NOS1AP: variants seen among roughly 807,000 people sequenced by gnomAD.
NOS1AP encodes the protein nitric oxide synthase 1 adaptor protein, also known as carboxyl-terminal PDZ ligand of neuronal nitric oxide synthase protein.
Under a neutral mutation model 56.2 loss-of-function variants are expected in NOS1AP, and 21 were observed. That is an observed-to-expected ratio of 0.37 (90% CI 0.26 to 0.54). The LOEUF (loss-of-function observed/expected upper bound fraction) is 0.54. NOS1AP is among the 20% of genes least tolerant of loss of function. The pLI, the probability that NOS1AP is intolerant of heterozygous loss-of-function variation, is 0.84. For synonymous variants in NOS1AP, 270 were observed against 274.6 expected (o/e 0.98, Z 0.17); for missense variants, 522 against 657.8 (o/e 0.79, Z 2.26).
intron 5 of NOS1AP, among the ~76,000 whole-genome samples, chr1:162,335,290 G>C (rs548954279): frequency 6.6e-6 from 1 of 152,216 alleles, no homozygotes; most frequent in Non-Finnish European, 1.5e-5. Flanking sequence ...CAGCTGAGGG[G>C]ATTGTTTCCA....
At chr1:162,102,992 C>T (rs12406785) in intron 1 of NOS1AP, among the ~76,000 whole-genome samples, 77,021 of 151,780 alleles carry the variant, frequency 0.51, 21,694 homozygotes, top group Non-Finnish European at 0.64. Flanking sequence ...GGTTTGTTTG[C>T]TCTTGGTTCT....
At position 162,091,719 on chromosome 1, in the gene NOS1AP, C is replaced by T. The variant is rs180918716; in HGVS notation, c.105+21437C>T. Reference sequence around the variant, plus strand: ...ATTTGAGCAACATGTTGATGAACAGCTAAGGGAAGACAGAGATCACAAGTT... The same window carrying T: ...ATTTGAGCAACATGTTGATGAACAGTTAAGGGAAGACAGAGATCACAAGTT... On this transcript the variant is annotated intron_variant, in intron 1 of 9. Coordinates refer to ENST00000361897, the MANE Select transcript of NOS1AP (RefSeq NM_014697.3). 4.3e-3 allele frequency among the ~76,000 whole-genome samples: 649 copies of T among 152,254 alleles called. 3 individuals carry two copies. The highest frequency in any genetic ancestry group is 0.01 in the South Asian group (50 of 4,830).
intron 5 of NOS1AP, among the ~76,000 whole-genome samples, chr1:162,341,231 A>G (rs1657097134): frequency 1.3e-5 from 2 of 152,228 alleles, no homozygotes; most frequent in Admixed American, 6.5e-5. Context: ...TGTGATTTAC[A>G]GAGATGATGG....
At chr1:162,338,549 T>A (rs1473655370) in intron 5 of NOS1AP, 1 of 152,178 alleles carries the variant, frequency 6.6e-6, no homozygotes. Context: ...TAAGAACCAT[T>A]CTTTACATGC....
At chr1:162,135,988 C>T (rs1648981170) in intron 1 of NOS1AP, among the ~76,000 whole-genome samples, 2 of 152,058 alleles carry the variant, frequency 1.3e-5, no homozygotes, top group Non-Finnish European at 2.9e-5. Flanking sequence ...GTGTATAATA[C>T]AATTTAGAAT....
chr1:162,368,452 GAAA>G lies in NOS1AP; in HGVS notation c.*989_*991del, dbSNP rs1647237768. The G allele has an allele frequency of 2.5e-5, 3 of 119,746 alleles. No homozygotes were observed. Among genetic ancestry groups the G allele is most frequent in the African/African-American group, 6.8e-5 (2 of 29,464 alleles). The allele number at this position is 119,746 out of a possible 1,614,324, so 7.4% of individuals were successfully genotyped here. ...AGTTTTTACTGCAAAAAAAAAAAAA[GAAA>G]AAAGAGAAAGAAAAAAAAGAATGAA... On this transcript the variant is annotated 3_prime_UTR_variant, in exon 10 of 10. Coordinates refer to ENST00000361897, the MANE Select transcript of NOS1AP (RefSeq NM_014697.3).
intron 4 of NOS1AP, among the ~76,000 whole-genome samples, chr1:162,318,271 A>G (rs1397927909): frequency 6.6e-6 from 1 of 152,226 alleles, no homozygotes; most frequent in Non-Finnish European, 1.5e-5. Context: ...TTTCACTGCC[A>G]GACTCTTTGG....
Position 162,324,416 on chromosome 1 carries a change from C to CTTTTTTTTTTTTTTTTTTTTT in NOS1AP, c.345-8593_345-8573dup, listed in dbSNP as rs35946766. 1.5e-4 allele frequency among the ~76,000 whole-genome samples: 11 copies of CTTTTTTTTTTTTTTTTTTTTT among 72,148 alleles called. 3 individuals are homozygous for CTTTTTTTTTTTTTTTTTTTTT. The highest frequency in any genetic ancestry group is 3.2e-4 in the Admixed American group (2 of 6,300). The allele number at this position is 72,148 out of a possible 152,430, so 47.3% of individuals were successfully genotyped here. ...TAGTGGTTTTGTGAGGGACACTAGC[C>CTTTTTTTTTTTTTTTTTTTTT]TTTTTTTTTTTTTTTTTTTTTTTTT... is the stretch of plus-strand genomic sequence containing the variant. On this transcript the variant is annotated intron_variant, in intron 4 of 9. Transcript: ENST00000361897.
intron 2 of NOS1AP, among the ~76,000 whole-genome samples, chr1:162,193,576 A>G (rs1466397298): frequency 6.6e-6 from 1 of 152,132 alleles, no homozygotes; most frequent in Non-Finnish European, 1.5e-5. Flanking sequence ...CGCCTTGACC[A>G]TTTACTGAAT....
intron 2 of NOS1AP, among the ~76,000 whole-genome samples, chr1:162,201,082 C>T (rs140788256): frequency 0.011 from 1,745 of 152,216 alleles, 19 homozygotes; most frequent in South Asian, 0.022. Context: ...TGATAAACCC[C>T]AGTTTGTTTT....
At chr1:162,215,940 T>C (rs754580137) in intron 2 of NOS1AP, among the ~76,000 whole-genome samples, 1 of 152,238 alleles carries the variant, frequency 6.6e-6, no homozygotes, top group Non-Finnish European at 1.5e-5. Flanking sequence ...ATATCCTTCA[T>C]AGCATTATAA....
intron 2 of NOS1AP, among the ~76,000 whole-genome samples, chr1:162,195,221 G>A (rs942800252): frequency 3.9e-5 from 6 of 152,114 alleles, no homozygotes; most frequent in South Asian, 4.1e-4. Flanking sequence ...AGCTGTCATC[G>A]TGAATAATCA....
chr1:162,301,517 A>G (rs1312264565), intron 4 of NOS1AP, among the ~76,000 whole-genome samples: 1 of 152,230 alleles, frequency 6.6e-6, no homozygotes, highest in East Asian at 1.9e-4. Context: ...ACCAACACAC[A>G]ACCAGAAATT....
At chr1:162,331,313 T>C (rs1054357989) in intron 4 of NOS1AP, among the ~76,000 whole-genome samples, 5 of 152,182 alleles carry the variant, frequency 3.3e-5, no homozygotes, top group Admixed American at 3.3e-4. Context: ...CTTGGGTTTT[T>C]TCACAGTGTT....
chr1:162,140,445 A>G (rs1381192802), intron 1 of NOS1AP, among the ~76,000 whole-genome samples: 1 of 152,196 alleles, frequency 6.6e-6, no homozygotes, highest in African/African-American at 2.4e-5. Context: ...AATGGCCTCC[A>G]TCTGCATTCA....
intron 2 of NOS1AP, among the ~76,000 whole-genome samples, chr1:162,284,002 C>G (rs982593811): frequency 1.1e-4 from 17 of 152,360 alleles, no homozygotes; most frequent in Non-Finnish European, 2.4e-4. Context: ...GATTGGATTC[C>G]TGTCCTGTGG....
At chr1:162,285,800 C>T (rs1174784319) in intron 2 of NOS1AP, among the ~76,000 whole-genome samples, 1 of 152,050 alleles carries the variant, frequency 6.6e-6, no homozygotes, top group Non-Finnish European at 1.5e-5. Flanking sequence ...GAGCTGCTGA[C>T]AGGGTAGAGT....
chr1:162,290,184 G>A (rs1247761168), intron 3 of NOS1AP, among the ~76,000 whole-genome samples: 1 of 152,154 alleles, frequency 6.6e-6, no homozygotes, highest in Non-Finnish European at 1.5e-5. Flanking sequence ...AAAAAAAGAT[G>A]GTCTAGCAGG....
At chr1:162,254,610 A>G (rs1430477676) in intron 2 of NOS1AP, among the ~76,000 whole-genome samples, 2 of 152,218 alleles carry the variant, frequency 1.3e-5, no homozygotes, top group African/African-American at 4.8e-5. Context: ...TGTGTTTTCT[A>G]CAGTAGCTAG....
Sources: gnomAD v4.1 joint callset for allele counts (sites outside exome capture counted in the v4.1 genomes callset) on GRCh38, gnomAD v4.1.1 for gene constraint, MANE v1.5 for transcripts, NCBI Gene and HGNC (gene_info 2026-07-23, HGNC 2026-07-21) for gene names.